Variants in RBKS observed in about 807,000 individuals in gnomAD.
RBKS encodes the protein ribokinase.
Under a neutral mutation model 33.9 loss-of-function variants are expected in RBKS, and 33 were observed. That is an observed-to-expected ratio of 0.97 (90% confidence interval 0.74 to 1.30). RBKS has a LOEUF of 1.30. Ranked by LOEUF, RBKS falls within the 50% of genes most tolerant of loss-of-function variation. The pLI is 0.00. For missense variants in RBKS, 361 were observed against 392.6 expected, an observed-to-expected ratio of 0.92 and a Z score of 0.68; for synonymous variants, 125 against 143.0, an observed-to-expected ratio of 0.87 and a Z score of 0.90.
At chr2:27,822,103 T>A (rs1678223546) in intron 7 of RBKS, among the ~76,000 whole-genome samples, 1 of 151,554 alleles carries the variant, frequency 6.6e-6, no homozygotes, top group South Asian at 2.1e-4. Context: ...AGAAGAAGAG[T>A]CTGCTGGGGA....
intron 7 of RBKS, among the ~76,000 whole-genome samples, 183 bp from the exon 8 acceptor site, chr2:27,781,971 A>G (rs1677296382): frequency 6.6e-6 from 1 of 152,184 alleles, no homozygotes; most frequent in Admixed American, 6.5e-5. Flanking sequence ...TGGTACATTT[A>G]TCACCACTAA....
chr2:27,854,252 G>T (rs1663807187), intron 2 of RBKS, among the ~76,000 whole-genome samples: 1 of 152,144 alleles, frequency 6.6e-6, no homozygotes. Context: ...CTGTCAAATT[G>T]CTATAAATGA....
At chr2:27,824,061 C>A (rs1678266810) in intron 7 of RBKS, among the ~76,000 whole-genome samples, 1 of 152,146 alleles carries the variant, frequency 6.6e-6, no homozygotes, top group Non-Finnish European at 1.5e-5. Flanking sequence ...CTTCCAGCAA[C>A]CATCAGTTGA....
At chr2:27,782,743 T>A (rs770723332) in intron 7 of RBKS, 1 of 368,372 alleles carries the variant, frequency 2.7e-6, no homozygotes, top group South Asian at 2.0e-5. Context: ...GCTCCCTTTT[T>A]TCATGTTGTA....
intron 1 of RBKS, among the ~76,000 whole-genome samples, chr2:27,880,474 A>C (rs1664396956): frequency 6.6e-6 from 1 of 152,212 alleles, no homozygotes; most frequent in African/African-American, 2.4e-5. Context: ...GAAGAGAGGA[A>C]GTCAAACTAT....
intron 7 of RBKS, chr2:27,782,753 A>T: frequency 9.3e-6 from 3 of 323,822 alleles, no homozygotes; most frequent in South Asian, 2.5e-5. Flanking sequence ...TTCATGTTGT[A>T]CTCTTTGTTT....
Position 27,832,770 on chromosome 2 carries a change from G to A in RBKS, c.522C>T (p.Thr174=), listed in dbSNP as rs1275336394. The A allele has an allele frequency of 6.2e-7, 1 of 1,605,092 alleles. No individual in the cohort carries two copies. Among genetic ancestry groups the A allele is most frequent in the South Asian group, 1.1e-5 (1 of 90,886 alleles). Residue 174 remains threonine (T), a synonymous_variant, in exon 6 of 8, where the codon ACC becomes ACT. Transcript: ENST00000302188. ...LTMARRSGVK[T]LFNPAPAIAD... is the part of the protein sequence containing the mutation. The stretch of plus-strand genomic sequence containing the variant: ...CAATGGCAGGGGCTGGATTGAACAA[G>A]GTTTTCACTACAAAGGAATGGAAAA...
At chr2:27,873,500 C>G (rs1664256280) in intron 1 of RBKS, among the ~76,000 whole-genome samples, 1 of 152,126 alleles carries the variant, frequency 6.6e-6, no homozygotes, top group African/African-American at 2.4e-5. Context: ...TTGAGACAGC[C>G]TGAAGGACTT....
intron 5 of RBKS, among the ~76,000 whole-genome samples, chr2:27,842,358 G>C (rs956700986): frequency 6.6e-6 from 1 of 152,118 alleles, no homozygotes; most frequent in African/African-American, 2.4e-5. Context: ...TTGTAGGTTT[G>C]AAAATTTCCA....
rs776362359 is a variant in RBKS, at chr2:27,847,091, C to A, written c.300G>T (p.Gln100His). 1.2e-6 allele frequency: 2 copies of A among 1,600,506 alleles called. No homozygotes were observed. Among genetic ancestry groups the A allele is most frequent in the African/African-American group, 2.7e-5 (2 of 74,612 alleles). ...CAGTTCCTGTAGCAGCATCTTTAGT[C>A]TGATATGTAAATTCTGAAAGAAAAA... is the stretch of plus-strand genomic sequence containing the variant. ...QNDISTEFTYQTKDAATGTAS... is the reference protein window; with the variant it reads ...QNDISTEFTYHTKDAATGTAS... Residue 100 changes from glutamine to histidine, a missense_variant, in exon 4 of 8, where the codon CAG becomes CAT. By Grantham distance (24) the Gln-to-His change is conservative (BLOSUM62 0). Transcript: ENST00000302188.
chr2:27,820,241 G>A (rs1157106516), intron 7 of RBKS, among the ~76,000 whole-genome samples: 1 of 152,174 alleles, frequency 6.6e-6, no homozygotes, highest in East Asian at 1.9e-4. Flanking sequence ...GTATGGAGTA[G>A]ACAGAAGTCC....
chr2:27,789,919 G>GTATA (rs1677479180), intron 7 of RBKS, among the ~76,000 whole-genome samples: 1 of 126,854 alleles, frequency 7.9e-6, no homozygotes, highest in African/African-American at 2.8e-5. Flanking sequence ...GTGTGTGTTT[G>GTATA]TGTGTGTATA....
chr2:27,863,105 C>A (rs1255048778), intron 1 of RBKS, among the ~76,000 whole-genome samples: 2 of 151,944 alleles, frequency 1.3e-5, no homozygotes, highest in East Asian at 3.9e-4. Context: ...TTGTTACTAC[C>A]ATTTAAAGGT....
At chr2:27,829,336 C>T (rs114807136) in intron 6 of RBKS, among the ~76,000 whole-genome samples, 274 of 151,576 alleles carry the variant, frequency 1.8e-3, no homozygotes, top group Admixed American at 4.4e-3. Context: ...ACATCAGTTC[C>T]CACCTGGTTG....
At chr2:27,804,530 T>C (rs190452396) in intron 7 of RBKS, among the ~76,000 whole-genome samples, 2 of 152,330 alleles carry the variant, frequency 1.3e-5, no homozygotes, top group Non-Finnish European at 2.9e-5. Flanking sequence ...AATGTAACCA[T>C]AATAAACCAA....
chr2:27,865,155 C>A (rs1267817531), intron 1 of RBKS, among the ~76,000 whole-genome samples: 1 of 152,104 alleles, frequency 6.6e-6, no homozygotes, highest in Non-Finnish European at 1.5e-5. Context: ...CTCATCTCTA[C>A]TAAAAATACA....
At chr2:27,855,206 G>C (rs573907842) in intron 2 of RBKS, among the ~76,000 whole-genome samples, 1 of 152,220 alleles carries the variant, frequency 6.6e-6, no homozygotes, top group Admixed American at 6.5e-5. Context: ...TGGTTCTGAA[G>C]GGAAAACAGA....
intron 5 of RBKS, among the ~76,000 whole-genome samples, chr2:27,840,017 C>T (rs1053290556): frequency 6.1e-5 from 9 of 148,610 alleles, no homozygotes; most frequent in Admixed American, 1.3e-4. Flanking sequence ...TACCACTCTT[C>T]TTCTTTTTTT....
chr2:27,832,076 C>A (rs935911559), intron 6 of RBKS, among the ~76,000 whole-genome samples: 2 of 152,098 alleles, frequency 1.3e-5, no homozygotes, highest in African/African-American at 4.8e-5. Flanking sequence ...TTCTTCCCAA[C>A]AATATTTAAG....
Sources: allele counts gnomAD v4.1 joint callset (sites outside exome capture counted in the v4.1 genomes callset), GRCh38; gene constraint gnomAD v4.1.1; transcripts MANE v1.5; gene names NCBI Gene and HGNC (gene_info 2026-07-23, HGNC 2026-07-21).